PRRG1: variants seen among roughly 807,000 people sequenced by gnomAD.
PRRG1 encodes the protein transmembrane gamma-carboxyglutamic acid protein 1.
A neutral mutation model predicts 11.8 loss-of-function variants in PRRG1; 5 were observed. The ratio of observed to expected loss-of-function variants is 0.42; its 90% CI spans 0.22 to 0.89. The LOEUF is 0.89. Ranked by LOEUF, PRRG1 falls within the 40% of genes least tolerant of loss-of-function variation. The pLI, the probability that PRRG1 is intolerant of heterozygous loss-of-function variation, is 0.28. For missense variants in PRRG1, 155 were observed against 166.1 expected (o/e 0.93, Z 0.37); for synonymous variants, 66 against 60.4 (o/e 1.09, Z -0.43).
At chrX:37,388,980 C>T (rs1931429755) in intron 1 of PRRG1, among the ~76,000 whole-genome samples, 1 of 112,302 alleles carries the variant, frequency 8.9e-6, no homozygotes, top group Non-Finnish European at 1.9e-5. Context: ...ATCTTGAATG[C>T]TTTGCTGCTG....
At chrX:37,443,704 G>C in intron 3 of PRRG1, among the ~76,000 whole-genome samples, 1 of 112,018 alleles carries the variant, frequency 8.9e-6, no homozygotes, top group Non-Finnish European at 1.9e-5. Flanking sequence ...ATGTGGAGAA[G>C]AGTTCTTTTG....
chrX:37,385,799 C>T (rs915046425), intron 1 of PRRG1, among the ~76,000 whole-genome samples: 1 of 107,603 alleles, frequency 9.3e-6, no homozygotes, highest in East Asian at 2.9e-4. Flanking sequence ...CTCGCTCTGT[C>T]GTCCAGGCTG....
chrX:37,380,599 C>T (rs1251862224), intron 1 of PRRG1, among the ~76,000 whole-genome samples: 2 of 110,612 alleles, frequency 1.8e-5, no homozygotes, highest in African/African-American at 6.6e-5. Context: ...GCTGGGGGAG[C>T]AAGAAAAAAA....
chrX:37,386,671 A>G (rs1556375296), intron 1 of PRRG1: 1 of 112,156 alleles, frequency 8.9e-6, no homozygotes, highest in Non-Finnish European at 1.9e-5. Context: ...GTATATCATC[A>G]TAGAGCCAGA....
At chrX:37,401,503 C>T (rs2146573474) in intron 1 of PRRG1, among the ~76,000 whole-genome samples, 1 of 109,842 alleles carries the variant, frequency 9.1e-6, no homozygotes, top group South Asian at 4.0e-4. Context: ...TAAGAGCTAT[C>T]TATGACAAAC....
intron 1 of PRRG1, among the ~76,000 whole-genome samples, chrX:37,373,094 T>C (rs1287686884): frequency 2.7e-5 from 3 of 112,026 alleles, no homozygotes; most frequent in Non-Finnish European, 5.6e-5. Flanking sequence ...TTTTGAAAAA[T>C]CAATTGACCA....
chrX:37,360,037 CTTCTT>C (rs782433235), intron 1 of PRRG1, among the ~76,000 whole-genome samples: 6 of 111,359 alleles, frequency 5.4e-5, no homozygotes, highest in African/African-American at 2.0e-4. Flanking sequence ...TGTCCCCTCT[CTTCTT>C]TTCTTAATTA....
intron 3 of PRRG1, chrX:37,441,794 G>A (rs901949996): frequency 6.1e-5 from 48 of 784,992 alleles, no homozygotes; most frequent in Middle Eastern, 5.8e-4. Context: ...AAGCCAGAGC[G>A]TCAAGACTGG....
In PRRG1 at chrX:37,457,216, T is replaced by C. The variant is rs1921389941; in HGVS notation, c.*3595T>C. On this transcript the variant is annotated 3_prime_UTR_variant, in exon 4 of 4. Coordinates refer to ENST00000378628, the MANE Select transcript of PRRG1 (RefSeq NM_001142395.2). Reference sequence around the variant, plus strand: ...TTAAATTATGGTATTTAACTATTTTTATGTTTATACTAGGTAGGGTCTTTC... The same window carrying C: ...TTAAATTATGGTATTTAACTATTTTCATGTTTATACTAGGTAGGGTCTTTC... 1 of 112,283 alleles carries C rather than the reference T, an allele frequency of 8.9e-6. No homozygotes were observed. Among genetic ancestry groups the C allele is most frequent in the Non-Finnish European group, 1.9e-5 (1 of 53,196 alleles). The allele number at this position is 112,283 out of a possible 1,213,427, so 9.3% of individuals were successfully genotyped here.
At chrX:37,424,365 C>A (rs113982468) in intron 2 of PRRG1, among the ~76,000 whole-genome samples, 73 of 110,886 alleles carry the variant, frequency 6.6e-4, no homozygotes, top group African/African-American at 2.3e-3. Context: ...TACCTCAGAT[C>A]TATGGCATCA....
At chrX:37,433,959 A>AT in intron 3 of PRRG1, among the ~76,000 whole-genome samples, 1 of 112,043 alleles carries the variant, frequency 8.9e-6, no homozygotes, top group East Asian at 2.8e-4. Context: ...TGGCATTCTC[A>AT]TTTTTTATCT....
At chrX:37,427,783 A>G (rs979568727) in intron 3 of PRRG1, among the ~76,000 whole-genome samples, 1 of 111,985 alleles carries the variant, frequency 8.9e-6, no homozygotes, top group African/African-American at 3.2e-5. Flanking sequence ...CACAAATTAC[A>G]GGATTTCCTT....
At chrX:37,351,439 G>T (rs1402459258) in intron 1 of PRRG1, among the ~76,000 whole-genome samples, 17 of 108,159 alleles carry the variant, frequency 1.6e-4, no homozygotes, top group African/African-American at 5.8e-4. Flanking sequence ...AGCTTGCCTT[G>T]AGCTGAGATC....
chrX:37,453,566 A>G lies in PRRG1; in HGVS notation c.602A>G (p.Asn201Ser), dbSNP rs1556397377. Residue 201 changes from asparagine to serine, a missense_variant, in exon 4 of 4, where the codon AAC becomes AGC. Asn to Ser is a conservative substitution (Grantham distance 46, BLOSUM62 1). Coordinates refer to ENST00000378628, the MANE Select transcript of PRRG1 (RefSeq NM_001142395.2). ...DPPPEYEDIV[N>S]SNSASAIPMV... The stretch of plus-strand genomic sequence containing the variant: ...CCCCCAGAGTATGAGGACATAGTCA[A>G]CTCCAACTCAGCCAGTGCCATTCCT... 8.3e-7 allele frequency: 1 copy of G among 1,203,178 alleles called. No individual in the cohort carries two copies. The highest frequency in any genetic ancestry group is 1.8e-5 in the African/African-American group (1 of 56,707).
At chrX:37,399,236 G>A (rs1468333419) in intron 1 of PRRG1, among the ~76,000 whole-genome samples, 1 of 111,543 alleles carries the variant, frequency 9.0e-6, no homozygotes. Flanking sequence ...AGAGAGAAAG[G>A]TTGGGTTACC....
chrX:37,399,527 A>C (rs1931871483), intron 1 of PRRG1, among the ~76,000 whole-genome samples: 1 of 110,797 alleles, frequency 9.0e-6, no homozygotes, highest in Non-Finnish European at 1.9e-5. Flanking sequence ...CTGCAAAATC[A>C]TGCCAAATTG....
chrX:37,365,927 A>AT (rs1930558246), intron 1 of PRRG1, among the ~76,000 whole-genome samples: 1 of 112,160 alleles, frequency 8.9e-6, no homozygotes, highest in African/African-American at 3.2e-5. Flanking sequence ...ATTTTGAGTG[A>AT]TTAATTGCAT....
chrX:37,404,102 T>TCAGTG (rs1932115738), intron 1 of PRRG1, among the ~76,000 whole-genome samples: 1 of 111,833 alleles, frequency 8.9e-6, no homozygotes, highest in South Asian at 3.8e-4. Context: ...TGAAATAGGT[T>TCAGTG]TGATTCTTTT....
At chrX:37,420,165 T>C (rs1932613726) in intron 2 of PRRG1, among the ~76,000 whole-genome samples, 1 of 111,764 alleles carries the variant, frequency 8.9e-6, no homozygotes, top group Non-Finnish European at 1.9e-5. Context: ...TTTTCAGTTT[T>C]ATAGATGAAT....
Sources: gnomAD v4.1 joint callset for allele counts (sites outside exome capture counted in the v4.1 genomes callset) on GRCh38, gnomAD v4.1.1 for gene constraint, MANE v1.5 for transcripts, NCBI Gene and HGNC (gene_info 2026-07-23, HGNC 2026-07-21) for gene names.